SCN9A: variants seen among roughly 807,000 people sequenced by gnomAD.
SCN9A encodes sodium voltage-gated channel alpha subunit 9.
A neutral mutation model predicts 187.0 loss-of-function variants in SCN9A; 131 were observed. That is an observed-to-expected ratio of 0.70 (90% CI 0.61 to 0.81). The LOEUF is 0.81. Ranked by LOEUF, SCN9A falls within the 30% of genes least tolerant of loss-of-function variation. SCN9A has a pLI of 0.00. For missense variants in SCN9A, 2,252 were observed against 2,396.6 expected, an observed-to-expected ratio of 0.94 and a Z score of 1.26; for synonymous variants, 809 against 808.6, an observed-to-expected ratio of 1.00 and a Z score of -0.01.
chr2:166,219,530 G>T (rs142442376), intron 24 of SCN9A, among the ~76,000 whole-genome samples: 3,152 of 152,088 alleles, frequency 0.021, 121 homozygotes, highest in African/African-American at 0.073. Flanking sequence ...GAGAACACAT[G>T]GACACATAAA....
At chr2:166,341,048 T>C (rs1442269038) in intron 1 of SCN9A, among the ~76,000 whole-genome samples, 1 of 152,236 alleles carries the variant, frequency 6.6e-6, no homozygotes, top group East Asian at 1.9e-4. Context: ...TAAAGTATTT[T>C]CTAAAGAACT....
chr2:166,314,949 T>C (rs894464323), intron 1 of SCN9A, among the ~76,000 whole-genome samples: 1 of 152,234 alleles, frequency 6.6e-6, no homozygotes, highest in African/African-American at 2.4e-5. Flanking sequence ...CACTTTAAAA[T>C]GGTGATTTTT....
At chr2:166,225,304 G>T (rs1694797738) in intron 24 of SCN9A, among the ~76,000 whole-genome samples, 1 of 151,936 alleles carries the variant, frequency 6.6e-6, no homozygotes, top group South Asian at 2.1e-4. Flanking sequence ...CTTCTCAATT[G>T]TCACGTATTT....
intron 1 of SCN9A, among the ~76,000 whole-genome samples, chr2:166,343,798 A>AAAAAGAAAAGAAAAG (rs149739106): frequency 1.5e-4 from 23 of 151,564 alleles, no homozygotes; most frequent in African/African-American, 4.9e-4. Context: ...TGTGTTTCAA[A>AAAAAGAAAAGAAAAG]AAAAGAAAAG....
At chr2:166,298,302 T>C (rs915713924) in intron 7 of SCN9A, among the ~76,000 whole-genome samples, 10 of 152,198 alleles carry the variant, frequency 6.6e-5, no homozygotes, top group African/African-American at 2.4e-4. Flanking sequence ...ATATCCTGTT[T>C]TAGCCCAATA....
At chr2:166,248,912 G>A (rs1035837578) in intron 18 of SCN9A, among the ~76,000 whole-genome samples, 2 of 151,842 alleles carry the variant, frequency 1.3e-5, no homozygotes, top group East Asian at 1.9e-4. Context: ...TCAAGTGATC[G>A]CCCACCTCGG....
chr2:166,225,514 T>C (rs918928645), intron 24 of SCN9A, among the ~76,000 whole-genome samples: 1 of 152,168 alleles, frequency 6.6e-6, no homozygotes, highest in Non-Finnish European at 1.5e-5. Flanking sequence ...TATATGACCT[T>C]GGGTAAGTCA....
intron 18 of SCN9A, among the ~76,000 whole-genome samples, chr2:166,243,034 A>G (rs1286087562): frequency 1.3e-5 from 2 of 152,138 alleles, no homozygotes; most frequent in Non-Finnish European, 2.9e-5. Flanking sequence ...TTTCTAGTCT[A>G]TAATTTTAGA....
chr2:166,203,268 C>A (rs1558944296), intron 26 of SCN9A, among the ~76,000 whole-genome samples: 1 of 151,768 alleles, frequency 6.6e-6, no homozygotes, highest in African/African-American at 2.4e-5. Context: ...ATCTCTCTCT[C>A]TTAAAAGTTT....
chr2:166,251,923 T>C (rs909635769), intron 17 of SCN9A, 38 bp from the exon 18 acceptor site: 1 of 1,607,844 alleles, frequency 6.2e-7, no homozygotes, highest in Admixed American at 1.7e-5. Context: ...GTAGTTCATT[T>C]AGAGTTCATT....
intron 16 of SCN9A, among the ~76,000 whole-genome samples, chr2:166,273,815 C>A (rs905018379): frequency 6.6e-6 from 1 of 152,040 alleles, no homozygotes; most frequent in Non-Finnish European, 1.5e-5. Context: ...TTTTAAAAAT[C>A]GAAGTAAGAC....
rs1298846957 is a variant in SCN9A at position 166,284,601 on chromosome 2, G to A, written c.1826C>T (p.Pro609Leu). 1.9e-6 allele frequency: 3 copies of A among 1,613,894 alleles called. No homozygotes were observed. Among genetic ancestry groups the A allele is most frequent in the Non-Finnish European group, 2.5e-6 (3 of 1,179,920 alleles). The change falls in exon 12 of 27, where the codon CCA becomes CTA. Residue 609 changes from proline to leucine, a missense_variant. Pro to Leu is a moderately conservative substitution (Grantham distance 98). This residue lies in a region of SCN9A where 1,013 missense variants were observed against 997.4 expected (regional missense o/e 1.02). Coordinates refer to ENST00000642356, the MANE Select transcript of SCN9A (RefSeq NM_001365536.1). ...TTTCCCGTTCACCGGCAGCATTGGT[G>A]GGGACCTACTGGCTTGGCTGATGTT... ...SSNISQASRS[P>L]PMLPVNGKMH...
At chr2:166,343,729 G>A (rs6720769) in intron 1 of SCN9A, among the ~76,000 whole-genome samples, 33,494 of 151,982 alleles carry the variant, frequency 0.22, 4,591 homozygotes, top group African/African-American at 0.39. Context: ...CCCTGGGGAT[G>A]GAGGTTGCAG....
In SCN9A at chr2:166,218,483, A is replaced by G. The variant is rs140840053; in HGVS notation, c.4398+8084T>C. Among the ~76,000 whole-genome samples, 1,075 of 152,260 alleles carry G rather than the reference A, an allele frequency of 7.1e-3. 13 individuals are homozygous for G. The highest frequency in any genetic ancestry group is 0.024 in the African/African-American group (998 of 41,582). On this transcript the variant is annotated intron_variant, in intron 24 of 26. Transcript: ENST00000642356. ...GAAACAGCATATAAAGGTGGTTGCC[A>G]TAGGACTGGGGGAAGACGATGTGGA...
chr2:166,347,823 A>G (rs2105292653), intron 1 of SCN9A, among the ~76,000 whole-genome samples: 1 of 152,308 alleles, frequency 6.6e-6, no homozygotes, highest in Admixed American at 6.5e-5. Context: ...AGTTCATGCC[A>G]CAGAATTTAA....
chr2:166,368,872 G>A (rs1321529126), intron 1 of SCN9A, among the ~76,000 whole-genome samples: 3 of 147,534 alleles, frequency 2.0e-5, no homozygotes, highest in East Asian at 2.1e-4. Flanking sequence ...CTGTAATCCC[G>A]GCTACTCGGG....
chr2:166,355,789 ATT>A (rs10538478), intron 1 of SCN9A, among the ~76,000 whole-genome samples: 48,836 of 145,968 alleles, frequency 0.33, 9,411 homozygotes, highest in Non-Finnish European at 0.44. Context: ...TAGAAATGAG[ATT>A]TTTTTTTTTT....
chr2:166,204,103 A>G lies in SCN9A; in HGVS notation c.4626T>C (p.His1542=). The part of the protein sequence containing the change: ...MMVEKEGQSQ[H]MTEVLYWINV... Reference sequence around the variant, plus strand: ...TTATCCAATATAAAACTTCAGTCATATGTTGACTTTGACCCTCCTTTTCTA... The same window carrying G: ...TTATCCAATATAAAACTTCAGTCATGTGTTGACTTTGACCCTCCTTTTCTA... Residue 1542 remains histidine (H), a synonymous_variant, in exon 26 of 27, where the codon CAT becomes CAC. Transcript: ENST00000642356. 6.2e-7 allele frequency: 1 copy of G among 1,612,780 alleles called. No homozygotes were observed. The highest frequency in any genetic ancestry group is 8.5e-7 in the Non-Finnish European group (1 of 1,179,158).
At chr2:166,299,443 G>T (rs1289114186) in intron 7 of SCN9A, among the ~76,000 whole-genome samples, 1 of 150,596 alleles carries the variant, frequency 6.6e-6, no homozygotes, top group Non-Finnish European at 1.5e-5. Flanking sequence ...CTTACTCCTT[G>T]ATCTTGCAGC....
Sources: allele counts gnomAD v4.1 joint callset (sites outside exome capture counted in the v4.1 genomes callset), GRCh38; gene constraint gnomAD v4.1.1; regional missense constraint gnomAD v4.1.1; transcripts MANE v1.5; gene names NCBI Gene and HGNC (gene_info 2026-07-23, HGNC 2026-07-21).